Variants in SNAI3 observed in about 807,000 individuals in gnomAD.
SNAI3 encodes snail family transcriptional repressor 3.
A neutral mutation model predicts 16.4 loss-of-function variants in SNAI3; 21 were observed. That is an observed-to-expected ratio of 1.28 (90% confidence interval 0.91 to 1.85). The LOEUF (loss-of-function observed/expected upper bound fraction) is 1.85. SNAI3 is among the 40% of genes most tolerant of loss of function. The pLI is 0.00. For missense variants in SNAI3, 457 were observed against 372.8 expected (o/e 1.23, Z -1.86); for synonymous variants, 202 against 166.6 (o/e 1.21, Z -1.64).
chr16:88,678,702 C>T (rs1909061107), intron 2 of SNAI3, 73 bp from the exon 3 acceptor site: 1 of 1,520,412 alleles, frequency 6.6e-7, no homozygotes, highest in Non-Finnish European at 8.8e-7. Flanking sequence ...CCCTGCCCAT[C>T]AATGGATACT....
intron 1 of SNAI3, among the ~76,000 whole-genome samples, chr16:88,682,788 T>TTTTTTTTTTTA (rs1413600468): frequency 7.6e-6 from 1 of 131,204 alleles, no homozygotes; most frequent in Non-Finnish European, 1.6e-5. Context: ...TTTTTTTTTT[T>TTTTTTTTTTTA]TTTTAGAGAC....
intron 2 of SNAI3, 114 bp from the exon 3 acceptor site, chr16:88,678,743 A>G: frequency 6.9e-7 from 1 of 1,459,806 alleles, no homozygotes; most frequent in South Asian, 1.4e-5. Flanking sequence ...GCTCACAGCC[A>G]GAGCACCCAA....
chr16:88,686,080 C>T (rs1235925375), intron 1 of SNAI3: 6 of 524,416 alleles, frequency 1.1e-5, no homozygotes, highest in Non-Finnish European at 1.7e-5. Context: ...GCTTAGAAAA[C>T]TTAGAAAACT....
At position 88,681,419 on chromosome 16, in the gene SNAI3, C is replaced by T. The variant is rs1371712734; in HGVS notation, c.372G>A (p.Trp124Ter). The change falls in exon 2 of 3, where the codon TGG becomes TGA. Residue 124 changes from tryptophan (W) to a stop codon, truncating the protein, a stop_gained. Transcript: ENST00000332281. LOFTEE classifies it high-confidence loss of function. This position sits in a 1 kb window ranked among gnomAD's most constrained non-coding sequence, Gnocchi z 5.4. Reference sequence around the variant, plus strand: ...GCCGGTCTGGGCCCAAGGTCGGGGACCACCGTGTGGGCAGCACCAGCAGTG... The same window carrying T: ...GCCGGTCTGGGCCCAAGGTCGGGGATCACCGTGTGGGCAGCACCAGCAGTG... ...LPPLLVLPTRWSPTLGPDRHG... is the reference protein window; with the variant it reads ...LPPLLVLPTR The T allele has an allele frequency of 6.2e-7, 1 of 1,609,974 alleles. No individual in the cohort carries two copies. The highest frequency in any genetic ancestry group is 1.1e-5 in the South Asian group (1 of 90,854).
chr16:88,686,331 C>G lies in SNAI3; in HGVS notation c.76G>C (p.Glu26Gln). The part of the protein sequence containing the change: ...PNYRRLETQR[E>Q]INGACSACGG... Reference sequence around the variant, plus strand: ...GGCTCGGGGATCGGGTAGTCAGTACCTCTCTGCGTCTCCAGCCGCCGGTAG... The same window carrying G: ...GGCTCGGGGATCGGGTAGTCAGTACGTCTCTGCGTCTCCAGCCGCCGGTAG... Residue 26 changes from glutamate (E) to glutamine (Q), a missense_variant and splice_region_variant, in exon 1 of 3, where the codon GAA (glutamate) becomes CAA (glutamine). Transcript: ENST00000332281. The G allele has an allele frequency of 6.2e-7, 1 of 1,611,106 alleles. No homozygotes were observed.
chr16:88,681,215 G>A lies in SNAI3; in HGVS notation c.576C>T (p.Tyr192=), dbSNP rs754015883. ...GCATCTTGAGGGCACCCAGGCTGGT[G>A]TACTCCTTGTCGCAGTACTTGCAGG... ...VFTCKYCDKE[Y]TSLGALKMHI... is the part of the protein sequence containing the mutation. The change falls in exon 2 of 3, where the codon TAC becomes TAT. Residue 192 remains tyrosine, a synonymous_variant. Coordinates refer to ENST00000332281, the MANE Select transcript of SNAI3 (RefSeq NM_178310.4). This position sits in a 1 kb window ranked among gnomAD's most constrained non-coding sequence, Gnocchi z 5.4. 17 of 1,613,728 alleles carry A rather than the reference G, an allele frequency of 1.1e-5. No homozygotes were observed. Among genetic ancestry groups the A allele is most frequent in the East Asian group, 6.7e-5 (3 of 44,886 alleles).
intron 1 of SNAI3, among the ~76,000 whole-genome samples, chr16:88,682,907 T>G (rs1403744826): frequency 6.6e-6 from 1 of 150,610 alleles, no homozygotes; most frequent in Non-Finnish European, 1.5e-5. Flanking sequence ...CCTGCGTAGC[T>G]GGGAGTACAG....
chr16:88,683,084 C>CTTTT (rs35518035), intron 1 of SNAI3, among the ~76,000 whole-genome samples: 4 of 98,892 alleles, frequency 4.0e-5, no homozygotes, highest in Non-Finnish European at 5.9e-5. Flanking sequence ...GCCCCCCACC[C>CTTTT]TTTTTTTTTT....
Position 88,678,386 on chromosome 16 carries a change from A to T in SNAI3, c.*62T>A. 1 of 674,148 alleles carries T rather than the reference A, an allele frequency of 1.5e-6. No individual in the cohort carries two copies. Among genetic ancestry groups the T allele is most frequent in the East Asian group, 2.6e-5 (1 of 38,446 alleles). 41.8% of individuals were successfully genotyped at this position (674,148 alleles called of 1,614,324 possible). ...CCAGACTCCTGGCTCCTCTGGGGGC[A>T]GGAGGGACGCCAGCTCTCCCGGTGA... On this transcript the variant is annotated 3_prime_UTR_variant, in exon 3 of 3. Transcript: ENST00000332281.
Position 88,683,422 on chromosome 16 carries a change from A to T in SNAI3, c.77-1708T>A, listed in dbSNP as rs190634056. Among the ~76,000 whole-genome samples, 1,120 of 148,812 alleles carry T rather than the reference A, an allele frequency of 7.5e-3. 9 individuals are homozygous for T. The highest frequency in any genetic ancestry group is 0.027 in the African/African-American group (1,069 of 40,252). ...AGGCATGCGCCACCACGCCTGGCTT[A>T]TTTTTGTATTCTTAGTAGAGACAGG... On this transcript the variant is annotated intron_variant, in intron 1 of 2. Transcript: ENST00000332281.
intron 2 of SNAI3, 180 bp from the exon 3 acceptor site, chr16:88,678,809 G>A (rs867941369): frequency 1.5e-5 from 15 of 985,460 alleles, no homozygotes; most frequent in South Asian, 4.7e-5. Flanking sequence ...CCCCTCCCAG[G>A]AGCACAGGCA....
intron 1 of SNAI3, among the ~76,000 whole-genome samples, chr16:88,684,146 G>A (rs1444461855): frequency 6.6e-6 from 1 of 152,236 alleles, no homozygotes; most frequent in Non-Finnish European, 1.5e-5. Context: ...AGAAGTGACG[G>A]CAATGACAGG....
At chr16:88,680,581 G>C (rs1053545584) in intron 2 of SNAI3, among the ~76,000 whole-genome samples, 1 of 151,298 alleles carries the variant, frequency 6.6e-6, no homozygotes, top group Non-Finnish European at 1.5e-5. Context: ...CTCCATGCCT[G>C]GTGGGTTTTT....
In SNAI3 at chr16:88,681,107, G is replaced by A. The variant is rs768749963; in HGVS notation, c.684C>T (p.Val228=). The A allele has an allele frequency of 1.2e-6, 2 of 1,611,442 alleles. No homozygotes were observed. The highest frequency in any genetic ancestry group is 3.3e-5 in the Admixed American group (2 of 60,002). ...ACCCTGTCCTACCTGTGTGGGTGCG[G>A]ACATGGCCCTGCAGTAACCAGGGCC... ...FSRPWLLQGH[V]RTHTGEKPYA... The change falls in exon 2 of 3, where the codon GTC becomes GTT. Residue 228 remains valine, a synonymous_variant. Coordinates refer to ENST00000332281, the MANE Select transcript of SNAI3 (RefSeq NM_178310.4). This position sits in a 1 kb window ranked among gnomAD's most constrained non-coding sequence, Gnocchi z 5.4.
chr16:88,679,066 A>T (rs1000306676), intron 2 of SNAI3: 1 of 985,248 alleles, frequency 1.0e-6, no homozygotes, highest in Non-Finnish European at 1.2e-6. Flanking sequence ...TCCTGCTGGG[A>T]CCTTGGCCCA....
At chr16:88,682,814 T>C (rs1343753577) in intron 1 of SNAI3, among the ~76,000 whole-genome samples, 3 of 136,984 alleles carry the variant, frequency 2.2e-5, no homozygotes, top group Admixed American at 7.8e-5. Context: ...CTCGCTCTGT[T>C]GCCAGGCTGG....
intron 1 of SNAI3, among the ~76,000 whole-genome samples, chr16:88,683,089 T>G (rs2142947174): frequency 6.9e-6 from 1 of 144,040 alleles, no homozygotes; most frequent in Admixed American, 6.9e-5. Flanking sequence ...CCACCCTTTT[T>G]TTTTTTTTTT....
At position 88,681,306 on chromosome 16, in the gene SNAI3, T is replaced by TTAA; in HGVS notation, c.484_485insTTA (p.His162delinsLeuAsn). The stretch of plus-strand genomic sequence containing the variant: ...GTGCCTGGCCAGCCCGGCCAGCGTG[T>TTAA]GGTAGGGTTTGTGGCAGTGGAAGCA... On this transcript the variant is annotated protein_altering_variant, in exon 2 of 3. Transcript: ENST00000332281. The surrounding 1 kb of genome is among the most constrained non-coding windows in gnomAD (Gnocchi z 5.4). 3 of 1,613,112 alleles carry TTAA rather than the reference T, an allele frequency of 1.9e-6. No homozygotes were observed. The highest frequency in any genetic ancestry group is 2.5e-6 in the Non-Finnish European group (3 of 1,179,878).
intron 1 of SNAI3, among the ~76,000 whole-genome samples, chr16:88,684,050 G>A (rs534820089): frequency 7.8e-4 from 119 of 152,248 alleles, no homozygotes; most frequent in Non-Finnish European, 6.9e-4. Flanking sequence ...TCAAAGGAAC[G>A]CCTCCCATCT....
Sources: allele counts gnomAD v4.1 joint callset (sites outside exome capture counted in the v4.1 genomes callset), GRCh38; gene constraint gnomAD v4.1.1; non-coding constraint Gnocchi (gnomAD v3.1); transcripts MANE v1.5; gene names NCBI Gene and HGNC (gene_info 2026-07-23, HGNC 2026-07-21).